Variants in CLASP2 observed in about 807,000 individuals in gnomAD.
The protein encoded by CLASP2 is CLIP-associating protein 2.
A neutral mutation model predicts 194.4 loss-of-function variants in CLASP2; 47 were observed. The ratio of observed to expected loss-of-function variants is 0.24; its 90% CI spans 0.19 to 0.31. CLASP2 has a LOEUF of 0.31. Among genes scored for constraint, CLASP2 ranks in the 10% least tolerant of loss-of-function variants. CLASP2 has a pLI of 1.00. For synonymous variants in CLASP2, 619 were observed against 633.5 expected, an observed-to-expected ratio of 0.98 and a Z score of 0.34; for missense variants, 1,445 against 1,823.6, an observed-to-expected ratio of 0.79 and a Z score of 3.78.
At chr3:33,596,624 G>T in intron 19 of CLASP2, 87 bp downstream of exon 19, 2 of 893,648 alleles carry the variant, frequency 2.2e-6, no homozygotes, top group Non-Finnish European at 3.5e-6. Flanking sequence ...TATATTTTTA[G>T]AAATTAAGAG....
intron 35 of CLASP2, among the ~76,000 whole-genome samples, chr3:33,516,405 T>C (rs917337415): frequency 6.6e-6 from 1 of 152,198 alleles, no homozygotes; most frequent in Non-Finnish European, 1.5e-5. Context: ...CGGTGGCTCA[T>C]GCCAGTAATC....
intron 37 of CLASP2, among the ~76,000 whole-genome samples, chr3:33,509,154 A>T (rs2049069920): frequency 6.6e-6 from 1 of 152,250 alleles, no homozygotes; most frequent in Admixed American, 6.5e-5. Flanking sequence ...ATTCAAAGTT[A>T]AGGTTTTAAG....
chr3:33,671,099 G>A (rs2087092237), intron 6 of CLASP2, among the ~76,000 whole-genome samples: 1 of 152,044 alleles, frequency 6.6e-6, no homozygotes, highest in Non-Finnish European at 1.5e-5. Flanking sequence ...TGAAAAAAAA[G>A]GGAAATATAT....
chr3:33,638,521 T>C (rs2080648391), intron 8 of CLASP2, among the ~76,000 whole-genome samples: 1 of 152,150 alleles, frequency 6.6e-6, no homozygotes, highest in Non-Finnish European at 1.5e-5. Flanking sequence ...TTAGCCAGGA[T>C]GGTCTCGGTC....
At chr3:33,649,030 A>T (rs1052598650) in intron 7 of CLASP2, among the ~76,000 whole-genome samples, 4 of 152,230 alleles carry the variant, frequency 2.6e-5, no homozygotes, top group African/African-American at 7.2e-5. Flanking sequence ...TAACGGTCAC[A>T]CAGGTCTCTC....
chr3:33,717,571 C>T (rs989072865), intron 1 of CLASP2, among the ~76,000 whole-genome samples: 8 of 152,184 alleles, frequency 5.3e-5, no homozygotes, highest in South Asian at 2.1e-4. Flanking sequence ...GGATTACAGG[C>T]GCCCGCCACC....
At chr3:33,678,624 G>C (rs1272859356) in intron 6 of CLASP2, among the ~76,000 whole-genome samples, 1 of 152,136 alleles carries the variant, frequency 6.6e-6, no homozygotes, top group African/African-American at 2.4e-5. Context: ...TGCCAGTAGT[G>C]CAAGAAATGT....
intron 1 of CLASP2, among the ~76,000 whole-genome samples, chr3:33,701,010 T>C (rs2092338352): frequency 6.6e-6 from 1 of 152,148 alleles, no homozygotes; most frequent in African/African-American, 2.4e-5. Flanking sequence ...AATCACAAAA[T>C]GCTAATGAAA....
At chr3:33,525,354 T>C (rs933558692) in intron 34 of CLASP2, among the ~76,000 whole-genome samples, 2 of 152,044 alleles carry the variant, frequency 1.3e-5, no homozygotes, top group Non-Finnish European at 2.9e-5. Context: ...CTAGTGTACA[T>C]GGCTCTCACA....
chr3:33,557,700 T>C (rs2061200235), intron 29 of CLASP2, among the ~76,000 whole-genome samples: 1 of 152,156 alleles, frequency 6.6e-6, no homozygotes, highest in Non-Finnish European at 1.5e-5. Flanking sequence ...ATAAAATGAG[T>C]TAAAAAATAT....
chr3:33,672,263 C>T (rs1243699898), intron 6 of CLASP2, among the ~76,000 whole-genome samples: 1 of 152,196 alleles, frequency 6.6e-6, no homozygotes, highest in Non-Finnish European at 1.5e-5. Flanking sequence ...GAGGAACGAG[C>T]TGACAGCAGC....
intron 7 of CLASP2, among the ~76,000 whole-genome samples, chr3:33,651,362 A>C (rs937744120): frequency 3.4e-5 from 5 of 147,398 alleles, no homozygotes; most frequent in African/African-American, 1.3e-4. Context: ...CAGCCTGGGC[A>C]ACAGAGCGAG....
intron 38 of CLASP2, among the ~76,000 whole-genome samples, chr3:33,499,764 G>A (rs2046418292): frequency 6.6e-6 from 1 of 152,274 alleles, no homozygotes; most frequent in East Asian, 1.9e-4. Flanking sequence ...TACACGATAT[G>A]CTGTTTTACA....
intron 30 of CLASP2, among the ~76,000 whole-genome samples, chr3:33,548,507 C>T (rs1314352338): frequency 6.6e-6 from 1 of 152,018 alleles, no homozygotes; most frequent in East Asian, 1.9e-4. Context: ...CCATGTTAGC[C>T]AGGATGGTCT....
chr3:33,668,449 T>C (rs904227487), intron 6 of CLASP2, among the ~76,000 whole-genome samples: 3 of 152,174 alleles, frequency 2.0e-5, no homozygotes, highest in Admixed American at 6.5e-5. Flanking sequence ...ATTTGATCAC[T>C]ATAACAAAAG....
At chr3:33,503,068 A>C (rs1267552584) in intron 37 of CLASP2, 1 of 152,204 alleles carries the variant, frequency 6.6e-6, no homozygotes, top group Non-Finnish European at 1.5e-5. Context: ...TAAATATTTA[A>C]GTGCCTGGTA....
At chr3:33,561,019 T>C in intron 27 of CLASP2, 48 bp from the exon 28 acceptor site, 1 of 1,518,962 alleles carries the variant, frequency 6.6e-7, no homozygotes, top group Middle Eastern at 1.7e-4. Context: ...GAGGAAATAT[T>C]GACCTCTATG....
At chr3:33,556,538 C>T (rs547985563) in intron 29 of CLASP2, among the ~76,000 whole-genome samples, 3 of 151,496 alleles carry the variant, frequency 2.0e-5, no homozygotes, top group African/African-American at 4.9e-5. Context: ...TGGGTTCAAG[C>T]GATTCTCCTG....
rs1345643464 is a variant in CLASP2 at position 33,644,835 on chromosome 3, C to T, written c.784G>A (p.Val262Ile). The stretch of plus-strand genomic sequence containing the variant: ...TTTCCGGATGTTTTAGGTGCAGGAA[C>T]CTTGAAGGCTGATGCAGCTGATGAT... ...RPSSAASAFKVPAPKTSGNPA... is the reference protein window; with the variant it reads ...RPSSAASAFKIPAPKTSGNPA... The change falls in exon 8 of 39, where the codon GTT becomes ATT. Residue 262 changes from valine (V) to isoleucine (I), a missense_variant. Coordinates refer to ENST00000682230, the MANE Select transcript of CLASP2 (RefSeq NM_001365631.1). The T allele has an allele frequency of 1.9e-6, 3 of 1,611,990 alleles. No individual in the cohort carries two copies. The highest frequency in any genetic ancestry group is 1.1e-5 in the South Asian group (1 of 90,598).
Sources: gnomAD v4.1 joint callset for allele counts (sites outside exome capture counted in the v4.1 genomes callset) on GRCh38, gnomAD v4.1.1 for gene constraint, MANE v1.5 for transcripts, NCBI Gene and HGNC (gene_info 2026-07-23, HGNC 2026-07-21) for gene names.